CIZ1: variants seen among roughly 807,000 people sequenced by gnomAD.
CIZ1 encodes the protein cip1-interacting zinc finger protein.
Under a neutral mutation model 118.6 loss-of-function variants are expected in CIZ1, and 58 were observed. The ratio of observed to expected loss-of-function variants is 0.49; its 90% CI spans 0.40 to 0.61. The LOEUF is 0.61. Ranked by LOEUF, CIZ1 falls within the 20% of genes least tolerant of loss-of-function variation. CIZ1 has a pLI of 0.00. For missense variants in CIZ1, 921 were observed against 1,115.9 expected (o/e 0.83, Z 2.49); for synonymous variants, 448 against 443.4 (o/e 1.01, Z -0.13).
At chr9:128,171,859 A>G (rs1250469040) in intron 11 of CIZ1, among the ~76,000 whole-genome samples, 1 of 152,112 alleles carries the variant, frequency 6.6e-6, no homozygotes, top group Non-Finnish European at 1.5e-5. Context: ...CATAAAGGAA[A>G]AAACTGATAG....
upstream of CIZ1, chr9:128,191,680 G>T: frequency 7.8e-7 from 1 of 1,287,052 alleles, no homozygotes; most frequent in Non-Finnish European, 9.9e-7. The surrounding 1 kb of genome is among the most constrained non-coding windows in gnomAD (Gnocchi z 5.5). Flanking sequence ...GTCACGCTGG[G>T]GGGCGGCTGC....
Position 128,179,315 on chromosome 9 carries a change from G to T in CIZ1, c.892C>A (p.Leu298Met). The stretch of plus-strand genomic sequence containing the variant: ...TGGGCTTCCAGGGCCTCAGGCAGCA[G>T]GTCTGGTGTCTGTGTCTGTTTCGGT... The part of the protein sequence containing the change: ...TVPKQTQTPD[L>M]LPEALEAQVL... The change falls in exon 8 of 17, where the codon CTG becomes ATG. Residue 298 changes from leucine to methionine, a missense_variant. Physicochemically the swap from Leu to Met is conservative, Grantham distance 15. Transcript: ENST00000372938. The T allele has an allele frequency of 6.2e-7, 1 of 1,614,200 alleles. No individual in the cohort carries two copies. Among genetic ancestry groups the T allele is most frequent in the Non-Finnish European group, 8.5e-7 (1 of 1,180,040 alleles).
In CIZ1 at chr9:128,169,123, C is replaced by A; in HGVS notation, c.2224G>T (p.Gly742Cys). The A allele has an allele frequency of 6.2e-7, 1 of 1,614,186 alleles. No individual in the cohort carries two copies. Residue 742 changes from glycine to cysteine, a missense_variant, in exon 14 of 17, where the codon GGT becomes TGT. Transcript: ENST00000372938. ...ITVDAVGCFE[G>C]DEEEEEDDED... ...TCATCCTCTTCCTCTTCTTCATCACCCTCGAAGCAACCCACAGCGTCCACT... is the reference window on the plus strand; with the variant it reads ...TCATCCTCTTCCTCTTCTTCATCACACTCGAAGCAACCCACAGCGTCCACT...
At chr9:128,174,401 C>T (rs1332316800) in intron 11 of CIZ1, among the ~76,000 whole-genome samples, 2 of 152,204 alleles carry the variant, frequency 1.3e-5, no homozygotes, top group Non-Finnish European at 2.9e-5. Context: ...CTGTGGGTAC[C>T]TGGTGCCCAC....
At chr9:128,195,428 G>A (rs146418198), upstream of CIZ1, among the ~76,000 whole-genome samples, 437 of 152,096 alleles carry the variant, frequency 2.9e-3, 2 homozygotes, top group African/African-American at 9.9e-3. Context: ...AGTGATTCTC[G>A]TGCCTCAGCA....
At chr9:128,186,934 G>A (rs1832444690) in intron 4 of CIZ1, among the ~76,000 whole-genome samples, 1 of 145,448 alleles carries the variant, frequency 6.9e-6, no homozygotes, top group Admixed American at 6.8e-5. Flanking sequence ...TACTTTCCTT[G>A]TCTGCTTTTT....
chr9:128,166,583 C>T lies in CIZ1; in HGVS notation c.2487+176G>A. ...CTAACAGCCTGGCACTCAGCATCCC[C>T]TTGAACAATAAGAGCCCAACCCCAC... On this transcript the variant is annotated intron_variant, in intron 16 of 16. Transcript: ENST00000372938. This position sits in a 1 kb window ranked among gnomAD's most constrained non-coding sequence, Gnocchi z 4.4. The T allele has an allele frequency of 1.0e-6, 1 of 989,300 alleles. No homozygotes were observed. The highest frequency in any genetic ancestry group is 1.5e-6 in the Non-Finnish European group (1 of 670,718). 61.3% of individuals were successfully genotyped at this position (989,300 alleles called of 1,614,324 possible). A position where few individuals can be genotyped will look rare whatever the true frequency, so the allele number is the denominator to read the frequency against.
intron 11 of CIZ1, 135 bp downstream of exon 11, chr9:128,176,216 A>T: frequency 1.9e-6 from 2 of 1,060,586 alleles, no homozygotes; most frequent in Non-Finnish European, 2.8e-6. Flanking sequence ...AAGGTCACAC[A>T]GTTAACAGTG....
chr9:128,192,458 G>T (rs1444156661), upstream of CIZ1, among the ~76,000 whole-genome samples: 1 of 151,328 alleles, frequency 6.6e-6, no homozygotes, highest in East Asian at 1.9e-4. Context: ...CTGCCCCCAA[G>T]AACCCCCTTA....
chr9:128,182,423 G>A (rs1831785289), intron 5 of CIZ1, among the ~76,000 whole-genome samples: 1 of 152,158 alleles, frequency 6.6e-6, no homozygotes, highest in Admixed American at 6.5e-5. Flanking sequence ...TTACAGGCGT[G>A]AGCCACCACA....
Position 128,166,357 on chromosome 9 carries a change from C to T in CIZ1, c.2537G>A (p.Arg846His), listed in dbSNP as rs1829415568. The T allele has an allele frequency of 6.4e-7, 1 of 1,561,270 alleles. No individual in the cohort carries two copies. Residue 846 changes from arginine to histidine, a missense_variant, in exon 17 of 17, where the codon CGC becomes CAC. By Grantham distance (29) the Arg-to-His change is conservative. Transcript: ENST00000372938. This position sits in a 1 kb window ranked among gnomAD's most constrained non-coding sequence, Gnocchi z 4.4. ...NPSPTTRPVS[R>H]RCAINARNAL... ...GTTCCGGGCGTTGATTGCGCACCGGCGGCTCACAGGTCGGGTGGTGGGGCT... is the reference window on the plus strand; with the variant it reads ...GTTCCGGGCGTTGATTGCGCACCGGTGGCTCACAGGTCGGGTGGTGGGGCT...
Position 128,203,653 on chromosome 9 carries a change from G to GCGCCGAC in CIZ1, c.-6+526_-6+532dup. 6.7e-7 allele frequency: 1 copy of GCGCCGAC among 1,502,842 alleles called. No homozygotes were observed. Among genetic ancestry groups the GCGCCGAC allele is most frequent in the Non-Finnish European group, 8.8e-7 (1 of 1,133,424 alleles). 93.1% of individuals were successfully genotyped at this position (1,502,842 alleles called of 1,614,324 possible). A position where few individuals can be genotyped will look rare whatever the true frequency, so the allele number is the denominator to read the frequency against. ...GCAGGTAGGCGCGGCGCGCCCCCAG[G>GCGCCGAC]CGCCGACCCCCGACCCCCGGGATCC... On this transcript the variant is annotated intron_variant, in intron 1 of 17. Transcript: ENST00000372948. This position sits in a 1 kb window ranked among gnomAD's most constrained non-coding sequence, Gnocchi z 5.3.
chr9:128,185,610 G>T lies in CIZ1; in HGVS notation c.525C>A (p.Asn175Lys). The T allele has an allele frequency of 6.5e-7, 1 of 1,544,538 alleles. No individual in the cohort carries two copies. The highest frequency in any genetic ancestry group is 8.7e-7 in the Non-Finnish European group (1 of 1,145,348). The stretch of plus-strand genomic sequence containing the variant: ...GTTTCTGGGGGTTCCGTCCTGAAAG[G>T]TTGAACTGGGAAGGGTTCATGGGGA... Reference protein sequence around the residue: ...VGVPMNPSQFNLSGRNPQKQA... With the variant: ...VGVPMNPSQFKLSGRNPQKQA... Residue 175 changes from asparagine (N) to lysine (K), a missense_variant, in exon 5 of 17, where the codon AAC becomes AAA. Transcript: ENST00000372938.
At chr9:128,172,662 G>A (rs1830291711) in intron 11 of CIZ1, among the ~76,000 whole-genome samples, 1 of 152,150 alleles carries the variant, frequency 6.6e-6, no homozygotes, top group Non-Finnish European at 1.5e-5. Context: ...GTGTTGTCAT[G>A]TAGCATGATT....
chr9:128,196,959 C>G (rs1363573349), intron 1 of CIZ1: 1 of 152,236 alleles, frequency 6.6e-6, no homozygotes, highest in African/African-American at 2.4e-5. Flanking sequence ...GCCTCTTCAC[C>G]TAGTACTTGC....
upstream of CIZ1, among the ~76,000 whole-genome samples, chr9:128,192,497 C>T (rs1833237134): frequency 6.6e-6 from 1 of 151,982 alleles, no homozygotes; most frequent in Admixed American, 6.6e-5. Flanking sequence ...CATCCCCGCG[C>T]CGTAACAATC....
chr9:128,180,915 C>T, intron 5 of CIZ1, 101 bp from the exon 6 acceptor site: 8 of 821,814 alleles, frequency 9.7e-6, no homozygotes, highest in Non-Finnish European at 1.6e-5. Flanking sequence ...GATGACAGGG[C>T]CCTGAGGACC....
chr9:128,180,908 G>T, intron 5 of CIZ1, 94 bp from the exon 6 acceptor site: 1 of 895,794 alleles, frequency 1.1e-6, no homozygotes, highest in Non-Finnish European at 1.8e-6. Context: ...TCCAGGGGAT[G>T]ACAGGGCCCT....
Position 128,203,410 on chromosome 9 carries a change from G to C in CIZ1, c.-6+776C>G, listed in dbSNP as rs888680935. The C allele has an allele frequency of 1.5e-6, 2 of 1,354,748 alleles. No individual in the cohort carries two copies. Among genetic ancestry groups the C allele is most frequent in the South Asian group, 3.3e-5 (2 of 59,938 alleles). The allele number at this position is 1,354,748 out of a possible 1,614,324, so 83.9% of individuals were successfully genotyped here. A position where few individuals can be genotyped will look rare whatever the true frequency, so the allele number is the denominator to read the frequency against. ...GGCGCGCGGCTGCAGCGGCGGAGCC[G>C]GAGTCGGAGCCGGGAGCGCTAGCGG... On this transcript the variant is annotated intron_variant, in intron 1 of 17. Transcript: ENST00000372948. The surrounding 1 kb of genome is among the most constrained non-coding windows in gnomAD (Gnocchi z 5.3).
Sources: gnomAD v4.1 joint callset for allele counts (sites outside exome capture counted in the v4.1 genomes callset) on GRCh38, gnomAD v4.1.1 for gene constraint, Gnocchi (gnomAD v3.1) non-coding constraint, MANE v1.5 for transcripts, NCBI Gene and HGNC (gene_info 2026-07-23, HGNC 2026-07-21) for gene names.